Variants in PLEKHG3 observed in about 807,000 individuals in gnomAD.
PLEKHG3 encodes pleckstrin homology and RhoGEF domain containing G3.
PLEKHG3 carries 62 observed loss-of-function variants against 94.9 expected under a neutral mutation model. That is an observed-to-expected ratio of 0.65 (90% CI 0.53 to 0.81). The LOEUF (loss-of-function observed/expected upper bound fraction) is 0.81, where lower values mean the gene tolerates loss of function less well. Ranked by LOEUF, PLEKHG3 falls within the 30% of genes least tolerant of loss-of-function variation. The pLI is 0.00. For synonymous variants in PLEKHG3, 614 were observed against 654.0 expected (o/e 0.94, Z 0.93); for missense variants, 1,461 against 1,619.3 (o/e 0.90, Z 1.68).
intron 1 of PLEKHG3, among the ~76,000 whole-genome samples, chr14:64,710,088 C>T (rs537002903): frequency 4.6e-5 from 7 of 152,318 alleles, no homozygotes; most frequent in Admixed American, 3.9e-4. Context: ...GCTTGCTACA[C>T]ATTTTGCTCC....
rs775087688 is a variant in PLEKHG3 at position 64,744,654 on chromosome 14, C to T, written c.*951C>T. 2 of 149,788 alleles carry T rather than the reference C, an allele frequency of 1.3e-5. No individual in the cohort carries two copies. The highest frequency in any genetic ancestry group is 5.0e-5 in the African/African-American group (2 of 40,130). The allele number at this position is 149,788 out of a possible 1,614,324, so 9.3% of individuals were successfully genotyped here. A position where few individuals can be genotyped will look rare whatever the true frequency, so the allele number is the denominator to read the frequency against. On this transcript the variant is annotated 3_prime_UTR_variant, in exon 17 of 17. Coordinates refer to ENST00000247226, the MANE Select transcript of PLEKHG3 (RefSeq NM_001308147.2). ...TTTTCCCCAAGGGCCAGAGTTGGAC[C>T]AAGAAAAAGGGAGGTGGTGAGGTGG...
At chr14:64,709,648 AG>A (rs1445731221) in intron 1 of PLEKHG3, among the ~76,000 whole-genome samples, 1 of 152,120 alleles carries the variant, frequency 6.6e-6, no homozygotes, top group African/African-American at 2.4e-5. Context: ...CCTTGGGAAC[AG>A]GGTCCCAAAA....
Position 64,750,173 on chromosome 14 carries a change from GCAGGTCACCCA to G in PLEKHG3, c.*6473_*6483del. Reference sequence around the variant, plus strand: ...CCAGGACCTGCAAAGATGCAGACAGGCAGGTCACCCACATCCTGATATGGTATCTCTAGAGT... The same window carrying G: ...CCAGGACCTGCAAAGATGCAGACAGGCATCCTGATATGGTATCTCTAGAGT... On this transcript the variant is annotated 3_prime_UTR_variant, in exon 17 of 17. Coordinates refer to ENST00000247226, the MANE Select transcript of PLEKHG3 (RefSeq NM_001308147.2). The G allele has an allele frequency of 6.2e-7, 1 of 1,608,122 alleles. No individual in the cohort carries two copies. The highest frequency in any genetic ancestry group is 8.5e-7 in the Non-Finnish European group (1 of 1,175,178).
In PLEKHG3 at chr14:64,726,443, C is replaced by G. The variant is rs575031834; in HGVS notation, c.-39-1150C>G. On this transcript the variant is annotated intron_variant, in intron 1 of 16. Coordinates refer to ENST00000247226, the MANE Select transcript of PLEKHG3 (RefSeq NM_001308147.2). The surrounding 1 kb of genome is among the most constrained non-coding windows in gnomAD (Gnocchi z 5.1). ...GTGAAATAGCAATGAAATGTGTACT[C>G]TGCAAAGTGGCATTGGTGAGCTCTA... Among the ~76,000 whole-genome samples the G allele has an allele frequency of 6.6e-6, 1 of 152,284 alleles. No homozygotes were observed. The highest frequency in any genetic ancestry group is 2.4e-5 in the African/African-American group (1 of 41,538).
Position 64,749,881 on chromosome 14 carries a change from G to T in PLEKHG3, c.*6178G>T. The T allele has an allele frequency of 6.5e-7, 1 of 1,540,060 alleles. No homozygotes were observed. The highest frequency in any genetic ancestry group is 9.0e-7 in the Non-Finnish European group (1 of 1,114,196). ...TGATTTGAAAAACCCCTGAGGAGCAGCTCAGGCCTGGCACTGGTCCCCTAC... is the reference window on the plus strand; with the variant it reads ...TGATTTGAAAAACCCCTGAGGAGCATCTCAGGCCTGGCACTGGTCCCCTAC... On this transcript the variant is annotated 3_prime_UTR_variant, in exon 17 of 17. Coordinates refer to ENST00000247226, the MANE Select transcript of PLEKHG3 (RefSeq NM_001308147.2). This position sits in a 1 kb window ranked among gnomAD's most constrained non-coding sequence, Gnocchi z 4.7.
rs1594656752 is a variant in PLEKHG3 at position 64,710,557 on chromosome 14, G to C, written c.-40+5853G>C. The stretch of plus-strand genomic sequence containing the variant: ...ATGGTGGCGGGCACCCGTAATCCCA[G>C]CTACTCGGGAGGCTGAGGCAGGAGA... On this transcript the variant is annotated intron_variant, in intron 1 of 16. Transcript: ENST00000247226. Among the ~76,000 whole-genome samples the C allele has an allele frequency of 2.0e-5, 3 of 152,170 alleles. No homozygotes were observed. The East Asian group carries it at 5.8e-4, about 29-fold the overall frequency.
intron 1 of PLEKHG3, among the ~76,000 whole-genome samples, chr14:64,713,045 G>T (rs1566691315): frequency 6.6e-6 from 1 of 151,920 alleles, no homozygotes; most frequent in Non-Finnish European, 1.5e-5. Flanking sequence ...TTTTTTTCTG[G>T]GTGTATTGAA....
Position 64,716,202 on chromosome 14 carries a change from A to G in PLEKHG3, c.-39-11391A>G, listed in dbSNP as rs229657. 6,064 of 373,062 alleles carry G rather than the reference A, an allele frequency of 0.016. 334 individuals are homozygous for G. The highest frequency in any genetic ancestry group is 0.12 in the African/African-American group (5,473 of 47,146). The allele number at this position is 373,062 out of a possible 1,614,324, so 23.1% of individuals were successfully genotyped here. The stretch of plus-strand genomic sequence containing the variant: ...GGACTTCCCCCAGGAAACCCAGCCA[A>G]TCACAGGCTTTAGGGTAAAAGGCAG... On this transcript the variant is annotated intron_variant, in intron 1 of 16. Transcript: ENST00000247226. The surrounding 1 kb of genome is among the most constrained non-coding windows in gnomAD (Gnocchi z 5.0).
In PLEKHG3 at chr14:64,725,019, A is replaced by T. The variant is rs140302344; in HGVS notation, c.-39-2574A>T. On this transcript the variant is annotated intron_variant, in intron 1 of 16. Coordinates refer to ENST00000247226, the MANE Select transcript of PLEKHG3 (RefSeq NM_001308147.2). The surrounding 1 kb of genome is among the most constrained non-coding windows in gnomAD (Gnocchi z 5.0). ...TTTTAGCCTTAGGAGATAGGAGCTT[A>T]GTTTGCAGACAGGTAGCCTATGATC... Among the ~76,000 whole-genome samples the T allele has an allele frequency of 6.4e-4, 98 of 152,350 alleles. No homozygotes were observed. Among genetic ancestry groups the T allele is most frequent in the African/African-American group, 2.3e-3 (94 of 41,570 alleles).
In PLEKHG3 at chr14:64,732,766, G is replaced by C. The variant is rs761373017; in HGVS notation, c.1247-37G>C. 2.0e-6 allele frequency: 3 copies of C among 1,514,178 alleles called. No homozygotes were observed. Among genetic ancestry groups the C allele is most frequent in the Non-Finnish European group, 2.7e-6 (3 of 1,106,254 alleles). 93.8% of individuals were successfully genotyped at this position (1,514,178 alleles called of 1,614,324 possible). A position where few individuals can be genotyped will look rare whatever the true frequency, so the allele number is the denominator to read the frequency against. On this transcript the variant is annotated intron_variant, in intron 11 of 16. Transcript: ENST00000247226. The surrounding 1 kb of genome is among the most constrained non-coding windows in gnomAD (Gnocchi z 4.9). Reference sequence around the variant, plus strand: ...GTCTAGGGTAGGCCAAGGCCAATTGGGAATCAAAAGCTTGATCGTCTCTCT... The same window carrying C: ...GTCTAGGGTAGGCCAAGGCCAATTGCGAATCAAAAGCTTGATCGTCTCTCT...
chr14:64,714,349 C>A (rs1224512162), intron 1 of PLEKHG3, among the ~76,000 whole-genome samples: 2 of 152,190 alleles, frequency 1.3e-5, no homozygotes, highest in East Asian at 3.8e-4. Context: ...TGTTTGGCTG[C>A]TTCTTACAAT....
rs1027453140 is a variant in PLEKHG3 at position 64,724,076 on chromosome 14, G to A, written c.-39-3517G>A. ...CATCCTGGCTTGGGGGAATCTTATA[G>A]TATGGAGTGGTGCTCTTCAGGTAGG... On this transcript the variant is annotated intron_variant, in intron 1 of 16. Transcript: ENST00000247226. Among the ~76,000 whole-genome samples, 7 of 152,008 alleles carry A rather than the reference G, an allele frequency of 4.6e-5. No homozygotes were observed. The East Asian group carries it at 5.8e-4, about 13-fold the overall frequency.
chr14:64,737,441 G>A (rs1021031184), intron 14 of PLEKHG3, 66 bp downstream of exon 14: 53 of 1,112,066 alleles, frequency 4.8e-5, no homozygotes, highest in African/African-American at 7.8e-5. Flanking sequence ...GTCAGCCCCC[G>A]GCCCCTTCAG....
intron 1 of PLEKHG3, among the ~76,000 whole-genome samples, chr14:64,719,363 T>C (rs1392342333): frequency 6.6e-6 from 1 of 152,182 alleles, no homozygotes; most frequent in Non-Finnish European, 1.5e-5. Context: ...CCATTCTCGG[T>C]GGGCTTACTG....
rs775616758 is a variant in PLEKHG3 at position 64,749,965 on chromosome 14, G to A, written c.*6262G>A. The A allele has an allele frequency of 3.1e-6, 5 of 1,614,178 alleles. No homozygotes were observed. Among genetic ancestry groups the A allele is most frequent in the Non-Finnish European group, 2.5e-6 (3 of 1,180,040 alleles). ...AAGCCATCAACCCGAGCTTTCAAAG[G>A]CCAGGAAGGCCTCACCTCAGCTTAA... On this transcript the variant is annotated 3_prime_UTR_variant, in exon 17 of 17. Coordinates refer to ENST00000247226, the MANE Select transcript of PLEKHG3 (RefSeq NM_001308147.2). The surrounding 1 kb of genome is among the most constrained non-coding windows in gnomAD (Gnocchi z 4.7).
At position 64,742,450 on chromosome 14, in the gene PLEKHG3, G is replaced by A; in HGVS notation, c.2933G>A (p.Gly978Asp). Residue 978 changes from glycine (G) to aspartate (D), a missense_variant, in exon 16 of 17, where the codon GGC (glycine) becomes GAC (aspartate). By Grantham distance (94) the Gly-to-Asp change is moderately conservative. Transcript: ENST00000247226. ...GAAGAGGCTGGAGAGCCATTAGGTGGCAAAGGTATGACAGAAGCGGCAAGT... is the reference window on the plus strand; with the variant it reads ...GAAGAGGCTGGAGAGCCATTAGGTGACAAAGGTATGACAGAAGCGGCAAGT... Reference protein sequence around the residue: ...LQEEAGEPLGGKGKRKPVLSL... With the variant: ...LQEEAGEPLGDKGKRKPVLSL... 2 of 1,603,968 alleles carry A rather than the reference G, an allele frequency of 1.2e-6. No individual in the cohort carries two copies. The highest frequency in any genetic ancestry group is 1.7e-6 in the Non-Finnish European group (2 of 1,174,388).
chr14:64,749,952 C>T lies in PLEKHG3; in HGVS notation c.*6249C>T, dbSNP rs912453082. On this transcript the variant is annotated 3_prime_UTR_variant, in exon 17 of 17. Transcript: ENST00000247226. This position sits in a 1 kb window ranked among gnomAD's most constrained non-coding sequence, Gnocchi z 4.7. ...CTAATGCCAAATCAAGCCATCAACC[C>T]GAGCTTTCAAAGGCCAGGAAGGCCT... 8.1e-6 allele frequency: 13 copies of T among 1,614,124 alleles called. No homozygotes were observed. The highest frequency in any genetic ancestry group is 6.7e-5 in the Admixed American group (4 of 60,032).
rs2081374121 is a variant in PLEKHG3 at position 64,727,481 on chromosome 14, G to A, written c.-39-112G>A. 2 of 590,160 alleles carry A rather than the reference G, an allele frequency of 3.4e-6. No individual in the cohort carries two copies. The highest frequency in any genetic ancestry group is 4.1e-5 in the South Asian group (2 of 49,362). 36.6% of individuals were successfully genotyped at this position (590,160 alleles called of 1,614,324 possible). A position where few individuals can be genotyped will look rare whatever the true frequency, so the allele number is the denominator to read the frequency against. On this transcript the variant is annotated intron_variant, in intron 1 of 16. Coordinates refer to ENST00000247226, the MANE Select transcript of PLEKHG3 (RefSeq NM_001308147.2). The surrounding 1 kb of genome is among the most constrained non-coding windows in gnomAD (Gnocchi z 6.0). ...CATCTTCTAAAACTGAACTCTGGAT[G>A]CACTAAATAATACCTTCCCACCCCA...
In PLEKHG3 at chr14:64,741,930, G is replaced by C; in HGVS notation, c.2413G>C (p.Asp805His). The stretch of plus-strand genomic sequence containing the variant: ...CAAAGGGGACCCACCTCCCATCTCA[G>C]ATGCTGAGTTCCGCCCATCTTCAGA... ...AVKGDPPPISDAEFRPSSEIV... is the reference protein window; with the variant it reads ...AVKGDPPPISHAEFRPSSEIV... The change falls in exon 16 of 17, where the codon GAT (aspartate) becomes CAT (histidine). Residue 805 changes from aspartate (D) to histidine (H), a missense_variant. Asp to His is a moderately conservative substitution (Grantham distance 81, BLOSUM62 -1). Around this residue, in one of 3 missense-constraint regions of PLEKHG3, gnomAD observed 1,201 missense variants for 1,295.5 expected, o/e 0.93. Transcript: ENST00000247226. 1 of 1,587,370 alleles carries C rather than the reference G, an allele frequency of 6.3e-7. No homozygotes were observed. The highest frequency in any genetic ancestry group is 1.4e-5 in the African/African-American group (1 of 73,782).
Sources: allele counts gnomAD v4.1 joint callset (sites outside exome capture counted in the v4.1 genomes callset), GRCh38; gene constraint gnomAD v4.1.1; regional missense constraint gnomAD v4.1.1; non-coding constraint Gnocchi (gnomAD v3.1); transcripts MANE v1.5; gene names NCBI Gene and HGNC (gene_info 2026-07-23, HGNC 2026-07-21).